Variants in TRIO observed in about 807,000 individuals in gnomAD.
The protein encoded by TRIO is triple functional domain protein.
TRIO carries 58 observed loss-of-function variants against 351.9 expected under a neutral mutation model. That is an observed-to-expected ratio of 0.16 (90% CI 0.13 to 0.21). TRIO has a LOEUF of 0.21. TRIO is among the 10% of genes least tolerant of loss of function. The pLI, the probability that TRIO is intolerant of heterozygous loss-of-function variation, is 1.00. For missense variants in TRIO, 3,201 were observed against 4,027.8 expected, an observed-to-expected ratio of 0.79 and a Z score of 5.56; for synonymous variants, 1,758 against 1,595.7, an observed-to-expected ratio of 1.10 and a Z score of -2.42.
intron 4 of TRIO, 177 bp downstream of exon 4, chr5:14,287,240 T>G: frequency 1.5e-6 from 1 of 659,850 alleles, no homozygotes; most frequent in South Asian, 2.1e-5. Flanking sequence ...GCGTTCATCA[T>G]CCGAGTGGAT....
Position 14,359,416 on chromosome 5 carries a change from C to A in TRIO, c.2276C>A (p.Thr759Lys). ...AACAGCTCCATCAACCACATTGAGA[C>A]GGTGCTGCAGCAGCTGGACGAGGCG... ...PHNSSINHIE[T>K]VLQQLDEAQS... Residue 759 changes from threonine (T) to lysine (K), a missense_variant, in exon 13 of 57, where the codon ACG (threonine) becomes AAG (lysine). Around this residue, in one of 19 missense-constraint regions of TRIO, gnomAD observed 363 missense variants for 553.5 expected, o/e 0.66. Coordinates refer to ENST00000344204, the MANE Select transcript of TRIO (RefSeq NM_007118.4). The A allele has an allele frequency of 6.2e-7, 1 of 1,614,276 alleles. No homozygotes were observed. Among genetic ancestry groups the A allele is most frequent in the South Asian group, 1.1e-5 (1 of 91,090 alleles).
chr5:14,223,675 G>A (rs1792794362), intron 1 of TRIO, among the ~76,000 whole-genome samples: 1 of 152,242 alleles, frequency 6.6e-6, no homozygotes, highest in Non-Finnish European at 1.5e-5. Context: ...AAGTTTCCGG[G>A]AAGCAGGGCT....
chr5:14,481,312 C>G (rs750510995), intron 44 of TRIO, 28 bp downstream of exon 44: 1 of 1,611,208 alleles, frequency 6.2e-7, no homozygotes, highest in African/African-American at 1.3e-5. Flanking sequence ...TGTGGGCACC[C>G]AAATCCCCAC....
At chr5:14,252,795 A>G (rs1002423306) in intron 1 of TRIO, among the ~76,000 whole-genome samples, 10 of 151,354 alleles carry the variant, frequency 6.6e-5, no homozygotes, top group Admixed American at 5.9e-4. Context: ...GAGAGGGACG[A>G]GGTTGTGCAG....
At chr5:14,374,484 G>T (rs1315834889) in intron 19 of TRIO, 141 bp downstream of exon 19, 2 of 507,876 alleles carry the variant, frequency 3.9e-6, no homozygotes, top group Non-Finnish European at 6.9e-6. Flanking sequence ...CCTTACTAAT[G>T]ATCTTAGTTT....
At chr5:14,496,610 C>T (rs1756911533) in intron 49 of TRIO, among the ~76,000 whole-genome samples, 2 of 152,202 alleles carry the variant, frequency 1.3e-5, no homozygotes, top group Admixed American at 1.3e-4. Context: ...AATATCTAGG[C>T]GTCCTGTGAC....
intron 1 of TRIO, among the ~76,000 whole-genome samples, chr5:14,192,244 CT>C (rs1410888735): frequency 4.9e-4 from 74 of 151,154 alleles, no homozygotes; most frequent in Non-Finnish European, 3.4e-4. Flanking sequence ...ACTTTATTCC[CT>C]TTTTTTTCCT....
In TRIO at chr5:14,419,656, G is replaced by C. The variant is rs59319588; in HGVS notation, c.4960-122G>C. The stretch of plus-strand genomic sequence containing the variant: ...GAGAGTGCAGTGATCACACAACCTC[G>C]GAGCACTCAGCTCACTCCGGGGCAG... On this transcript the variant is annotated intron_variant, in intron 33 of 56. Coordinates refer to ENST00000344204, the MANE Select transcript of TRIO (RefSeq NM_007118.4). The C allele has an allele frequency of 0.014, 18,566 of 1,359,584 alleles. 1,962 individuals are homozygous for C. In the African/African-American group the frequency reaches 0.24, roughly 17 times the overall value. The allele number at this position is 1,359,584 out of a possible 1,614,324, so 84.2% of individuals were successfully genotyped here. A position where few individuals can be genotyped will look rare whatever the true frequency, so the allele number is the denominator to read the frequency against.
At chr5:14,187,345 T>C (rs1314057732) in intron 1 of TRIO, among the ~76,000 whole-genome samples, 1 of 152,176 alleles carries the variant, frequency 6.6e-6, no homozygotes, top group Non-Finnish European at 1.5e-5. Context: ...GTTTTTGTTG[T>C]TTTGTTTTGT....
At chr5:14,270,698 A>C (rs1481604541) in intron 1 of TRIO, 127 bp from the exon 2 acceptor site, 2 of 716,806 alleles carry the variant, frequency 2.8e-6, no homozygotes, top group South Asian at 1.6e-5. Context: ...TTGTGCTATG[A>C]TCATGTTTCT....
Position 14,470,928 on chromosome 5 carries a change from C to T in TRIO, c.5764-390C>T, listed in dbSNP as rs962176681. Among the ~76,000 whole-genome samples, 4 of 152,318 alleles carry T rather than the reference C, an allele frequency of 2.6e-5. No individual in the cohort carries two copies. The East Asian group carries it at 7.7e-4, about 29-fold the overall frequency. Reference sequence around the variant, plus strand: ...GTGCCACACTGGCCTGACCCACGCACATCCCAGCAGCTCATTTGGCAGGAA... The same window carrying T: ...GTGCCACACTGGCCTGACCCACGCATATCCCAGCAGCTCATTTGGCAGGAA... On this transcript the variant is annotated intron_variant, in intron 37 of 56. Coordinates refer to ENST00000344204, the MANE Select transcript of TRIO (RefSeq NM_007118.4).
intron 41 of TRIO, among the ~76,000 whole-genome samples, 200 bp from the exon 42 acceptor site, chr5:14,479,061 G>C (rs1260917109): frequency 6.6e-6 from 1 of 152,140 alleles, no homozygotes; most frequent in Admixed American, 6.6e-5. Context: ...GAGAGTGATG[G>C]GGGAAGGACT....
intron 1 of TRIO, among the ~76,000 whole-genome samples, chr5:14,198,717 C>T (rs1790921360): frequency 6.6e-6 from 1 of 152,072 alleles, no homozygotes; most frequent in Non-Finnish European, 1.5e-5. Context: ...TTGATGTTGC[C>T]CAGTCAAGTC....
At chr5:14,228,042 G>A (rs551865403) in intron 1 of TRIO, among the ~76,000 whole-genome samples, 10 of 152,230 alleles carry the variant, frequency 6.6e-5, no homozygotes, top group African/African-American at 2.2e-4. Context: ...GGGAGGGTGT[G>A]GGGGCCTGTG....
At chr5:14,182,656 C>G (rs941201237) in intron 1 of TRIO, among the ~76,000 whole-genome samples, 2 of 152,162 alleles carry the variant, frequency 1.3e-5, no homozygotes, top group African/African-American at 2.4e-5. Flanking sequence ...ACTTGCTGTA[C>G]TTTTTCTCTG....
intron 11 of TRIO, among the ~76,000 whole-genome samples, chr5:14,353,534 A>G (rs1743331085): frequency 6.6e-6 from 1 of 152,044 alleles, no homozygotes; most frequent in South Asian, 2.1e-4. Context: ...AGTGCTGGGA[A>G]ATACAGGCGT....
intron 1 of TRIO, among the ~76,000 whole-genome samples, chr5:14,267,861 A>T (rs1212290794): frequency 6.6e-6 from 1 of 152,094 alleles, no homozygotes; most frequent in Non-Finnish European, 1.5e-5. Context: ...GGTTAGTTTT[A>T]TATTTTTGCC....
chr5:14,309,686 G>T (rs1738738637), intron 8 of TRIO, among the ~76,000 whole-genome samples: 1 of 152,160 alleles, frequency 6.6e-6, no homozygotes. Context: ...AAGAGCTGGG[G>T]GTCTGCTGAG....
At chr5:14,504,645 G>T in intron 55 of TRIO, 52 bp downstream of exon 55, 1 of 1,586,606 alleles carries the variant, frequency 6.3e-7, no homozygotes, top group South Asian at 1.1e-5. Context: ...TCCACCTCAG[G>T]GGGTTTTGTT....
Sources: allele counts gnomAD v4.1 joint callset (sites outside exome capture counted in the v4.1 genomes callset), GRCh38; gene constraint gnomAD v4.1.1; regional missense constraint gnomAD v4.1.1; transcripts MANE v1.5; gene names NCBI Gene and HGNC (gene_info 2026-07-23, HGNC 2026-07-21).